The following SLCO3A1 variants were observed in gnomAD, a reference collection of about 807,000 sequenced individuals.
The protein encoded by SLCO3A1 is solute carrier organic anion transporter family member 3A1.
SLCO3A1 carries 27 observed loss-of-function variants against 63.1 expected under a neutral mutation model. That is an observed-to-expected ratio of 0.43 (90% CI 0.32 to 0.59). SLCO3A1 has a LOEUF of 0.59. Among genes scored for constraint, SLCO3A1 ranks in the 20% least tolerant of loss-of-function variants. The pLI is 0.09. For synonymous variants in SLCO3A1, 473 were observed against 409.9 expected (o/e 1.15, Z -1.86); for missense variants, 773 against 945.8 (o/e 0.82, Z 2.40).
chr15:91,962,914 A>G (rs1900503932), intron 2 of SLCO3A1, among the ~76,000 whole-genome samples: 1 of 151,998 alleles, frequency 6.6e-6, no homozygotes, highest in African/African-American at 2.4e-5. Context: ...CAGAGCTTAT[A>G]TACTTTCTAA....
intron 7 of SLCO3A1, among the ~76,000 whole-genome samples, chr15:92,143,725 A>G (rs568080867): frequency 1.3e-5 from 2 of 151,112 alleles, no homozygotes; most frequent in Non-Finnish European, 2.9e-5. Context: ...TACTAAGGCA[A>G]GAGGTGGAGG....
chr15:92,143,759 G>A (rs958442928), intron 7 of SLCO3A1, among the ~76,000 whole-genome samples: 5 of 151,602 alleles, frequency 3.3e-5, no homozygotes, highest in African/African-American at 1.2e-4. Flanking sequence ...AGCTGGAGCT[G>A]GGGCTGGGGC....
At chr15:92,145,286 C>G (rs1023690142) in intron 7 of SLCO3A1, among the ~76,000 whole-genome samples, 5 of 152,146 alleles carry the variant, frequency 3.3e-5, no homozygotes, top group Non-Finnish European at 7.4e-5. Flanking sequence ...GGCTGTGATG[C>G]TGGGGAGGAG....
At chr15:91,969,359 G>A (rs1900775561) in intron 2 of SLCO3A1, among the ~76,000 whole-genome samples, 1 of 149,292 alleles carries the variant, frequency 6.7e-6, no homozygotes, top group Non-Finnish European at 1.5e-5. Context: ...AGGCTGGATT[G>A]CAGTGGCACA....
intron 2 of SLCO3A1, among the ~76,000 whole-genome samples, chr15:92,088,624 C>T (rs115355208): frequency 2.0e-5 from 3 of 152,220 alleles, no homozygotes; most frequent in Non-Finnish European, 2.9e-5. Flanking sequence ...TGTGATCCTG[C>T]GTGGAGGAGA....
intron 1 of SLCO3A1, among the ~76,000 whole-genome samples, chr15:91,904,908 C>T (rs1422744039): frequency 6.6e-6 from 1 of 152,118 alleles, no homozygotes; most frequent in African/African-American, 2.4e-5. Context: ...CAATTTAACC[C>T]TACCTCTCTG....
intron 9 of SLCO3A1, 22 bp downstream of exon 9, chr15:92,151,036 C>T: frequency 6.5e-7 from 1 of 1,534,334 alleles, no homozygotes; most frequent in Non-Finnish European, 9.0e-7. Context: ...CTCTTTATTT[C>T]CTCAATAATG....
At chr15:91,958,580 C>T (rs1483787830) in intron 2 of SLCO3A1, among the ~76,000 whole-genome samples, 2 of 152,186 alleles carry the variant, frequency 1.3e-5, no homozygotes, top group East Asian at 1.9e-4. Context: ...TTTGGGTGCT[C>T]AGTATTTATT....
intron 2 of SLCO3A1, among the ~76,000 whole-genome samples, chr15:92,067,063 G>A (rs2151511515): frequency 6.6e-6 from 1 of 152,316 alleles, no homozygotes; most frequent in African/African-American, 2.4e-5. Flanking sequence ...GAGGGAGTCA[G>A]CTAGAGCTTA....
At chr15:91,870,444 A>G (rs1049697972) in intron 1 of SLCO3A1, among the ~76,000 whole-genome samples, 9 of 152,202 alleles carry the variant, frequency 5.9e-5, no homozygotes, top group Admixed American at 3.9e-4. Context: ...TAGGTTAGAT[A>G]TATGAGGAAT....
chr15:92,013,432 C>A (rs548205618), intron 2 of SLCO3A1, among the ~76,000 whole-genome samples: 1 of 152,188 alleles, frequency 6.6e-6, no homozygotes, highest in Non-Finnish European at 1.5e-5. Flanking sequence ...CTGACCTCAA[C>A]CCTACCAGCC....
intron 2 of SLCO3A1, among the ~76,000 whole-genome samples, chr15:92,004,684 G>A (rs1330859469): frequency 6.6e-6 from 1 of 152,244 alleles, no homozygotes; most frequent in African/African-American, 2.4e-5. Context: ...GGGGATAGAT[G>A]CTGGTGAGTG....
intron 2 of SLCO3A1, among the ~76,000 whole-genome samples, chr15:92,027,711 C>T (rs769701312): frequency 6.6e-6 from 1 of 152,210 alleles, no homozygotes; most frequent in Admixed American, 6.5e-5. Flanking sequence ...ATCCATGTCC[C>T]TAACGAAAAC....
At chr15:91,949,705 G>A (rs1003038079) in intron 2 of SLCO3A1, among the ~76,000 whole-genome samples, 5 of 152,092 alleles carry the variant, frequency 3.3e-5, no homozygotes, top group Non-Finnish European at 5.9e-5. Flanking sequence ...AAGTGTGTTG[G>A]TGGTTGCCTT....
intron 4 of SLCO3A1, among the ~76,000 whole-genome samples, chr15:92,108,712 A>G (rs2047694201): frequency 6.6e-6 from 1 of 152,012 alleles, no homozygotes; most frequent in African/African-American, 2.4e-5. Context: ...CCAGCTCTGT[A>G]CAGTTCCTGG....
chr15:92,165,996 A>C, downstream of SLCO3A1: 1 of 645,032 alleles, frequency 1.6e-6, no homozygotes. Flanking sequence ...GCTGAAATTG[A>C]CAGATCTTTG....
At chr15:92,120,370 G>A (rs2047848874) in intron 4 of SLCO3A1, 95 bp from the exon 5 acceptor site, 2 of 1,302,678 alleles carry the variant, frequency 1.5e-6, no homozygotes, top group Admixed American at 4.0e-5. Flanking sequence ...ATGGACAAGA[G>A]CGGGCCAAGA....
intron 1 of SLCO3A1, among the ~76,000 whole-genome samples, chr15:91,909,300 A>G (rs1429331918): frequency 6.6e-6 from 1 of 152,184 alleles, no homozygotes; most frequent in Non-Finnish European, 1.5e-5. Context: ...GTTTTTGTAA[A>G]TAAAGTTTTA....
At chr15:91,929,297 C>T (rs999155766) in intron 2 of SLCO3A1, among the ~76,000 whole-genome samples, 2 of 152,198 alleles carry the variant, frequency 1.3e-5, no homozygotes, top group African/African-American at 2.4e-5. Flanking sequence ...GGTGAACTCT[C>T]TTCCAACTCT....
Sources: allele counts gnomAD v4.1 joint callset (sites outside exome capture counted in the v4.1 genomes callset), GRCh38; gene constraint gnomAD v4.1.1; transcripts MANE v1.5; gene names NCBI Gene and HGNC (gene_info 2026-07-23, HGNC 2026-07-21).